SUPT16H: variants seen among roughly 807,000 people sequenced by gnomAD.
SUPT16H encodes the protein SPT16 homolog, facilitates chromatin remodeling subunit.
Under a neutral mutation model 136.2 loss-of-function variants are expected in SUPT16H, and 24 were observed. That is an observed-to-expected ratio of 0.18 (90% CI 0.13 to 0.25). SUPT16H has a LOEUF of 0.25. SUPT16H is among the 10% of genes least tolerant of loss of function. The pLI is 1.00. For missense variants in SUPT16H, 623 were observed against 1,270.2 expected (o/e 0.49, Z 7.74); for synonymous variants, 415 against 428.2 (o/e 0.97, Z 0.38).
Position 21,364,865 on chromosome 14 carries a change from A to G in SUPT16H, c.1195T>C (p.Tyr399His). The G allele has an allele frequency of 6.2e-7, 1 of 1,613,000 alleles. No homozygotes were observed. Among genetic ancestry groups the G allele is most frequent in the South Asian group, 1.1e-5 (1 of 91,018 alleles). The change falls in exon 10 of 26, where the codon TAT (tyrosine) becomes CAT (histidine). Residue 399 changes from tyrosine (Y) to histidine (H), a missense_variant. By Grantham distance (83) the Tyr-to-His change is moderately conservative. Coordinates refer to ENST00000216297, the MANE Select transcript of SUPT16H (RefSeq NM_007192.4). Reference protein sequence around the residue: ...KEGKKPEEKTYALFIGDTVLV... With the variant: ...KEGKKPEEKTHALFIGDTVLV... The stretch of plus-strand genomic sequence containing the variant: ...ACTGTGTCACCAATGAACAGGGCAT[A>G]GGTTTTCTCTTCTGGCTTTTTCCCC...
At chr14:21,355,513 T>TAA (rs59639210) in intron 22 of SUPT16H, among the ~76,000 whole-genome samples, 9 of 113,380 alleles carry the variant, frequency 7.9e-5, no homozygotes, top group African/African-American at 1.0e-4. Context: ...ATAATAATAA[T>TAA]AAAAAAAAAA....
chr14:21,383,817 A>C (rs778872200), intron 1 of SUPT16H, 45 bp downstream of exon 1: 62 of 1,609,356 alleles, frequency 3.9e-5, no homozygotes, highest in Non-Finnish European at 4.7e-5. Context: ...TTATTATGGG[A>C]TGGCTAAGGG....
intron 19 of SUPT16H, 34 bp downstream of exon 19, chr14:21,359,450 C>G: frequency 6.2e-7 from 1 of 1,606,412 alleles, no homozygotes. Context: ...TCCTCCCTCA[C>G]TATCCTGCAA....
intron 10 of SUPT16H, among the ~76,000 whole-genome samples, 170 bp from the exon 11 acceptor site, chr14:21,363,673 T>C (rs961322033): frequency 6.6e-6 from 1 of 152,100 alleles, no homozygotes; most frequent in Non-Finnish European, 1.5e-5. Flanking sequence ...GGAGCTACAA[T>C]TTTTTTTCTT....
At chr14:21,381,812 G>T (rs1029478769) in intron 1 of SUPT16H, among the ~76,000 whole-genome samples, 1 of 150,494 alleles carries the variant, frequency 6.6e-6, no homozygotes, top group Admixed American at 6.6e-5. Flanking sequence ...TAGAGACGGG[G>T]GTCTCATCAT....
intron 1 of SUPT16H, among the ~76,000 whole-genome samples, chr14:21,379,917 C>T (rs898447424): frequency 6.6e-6 from 1 of 151,602 alleles, no homozygotes; most frequent in African/African-American, 2.4e-5. Context: ...AACAAAAAAA[C>T]CTTTCTCTAT....
chr14:21,377,489 T>C (rs926580227), intron 1 of SUPT16H, among the ~76,000 whole-genome samples: 5 of 152,218 alleles, frequency 3.3e-5, no homozygotes, highest in African/African-American at 9.6e-5. Flanking sequence ...AGAGTTGACT[T>C]TGGTTAACTA....
At chr14:21,366,608 G>A in intron 7 of SUPT16H, 79 bp from the exon 8 acceptor site, 1 of 1,332,726 alleles carries the variant, frequency 7.5e-7, no homozygotes, top group South Asian at 1.3e-5. Context: ...CAAAATTTAT[G>A]TCCCCTAAAG....
intron 1 of SUPT16H, among the ~76,000 whole-genome samples, chr14:21,374,481 A>G (rs1886856927): frequency 6.6e-6 from 1 of 152,268 alleles, no homozygotes; most frequent in African/African-American, 2.4e-5. Flanking sequence ...CCTTGAGTAC[A>G]ATCATTCCCC....
intron 1 of SUPT16H, among the ~76,000 whole-genome samples, chr14:21,381,765 A>G (rs1887030332): frequency 6.8e-6 from 1 of 146,718 alleles, no homozygotes; most frequent in Non-Finnish European, 1.5e-5. Context: ...ACACACCACC[A>G]TGCCTGGTTA....
chr14:21,361,310 G>GAT, intron 15 of SUPT16H, 97 bp from the exon 16 acceptor site: 7 of 853,272 alleles, frequency 8.2e-6, no homozygotes, highest in Non-Finnish European at 9.7e-6. Flanking sequence ...TCTCTACTTT[G>GAT]CTTTTTTTTT....
rs1784303567 is a variant in SUPT16H, at chr14:21,352,395, AAGAG to A, written c.*274_*277del. The A allele has an allele frequency of 7.2e-6, 3 of 416,070 alleles. No individual in the cohort carries two copies. The highest frequency in any genetic ancestry group is 3.6e-5 in the Admixed American group (1 of 28,158). 25.8% of individuals were successfully genotyped at this position (416,070 alleles called of 1,614,324 possible). A position where few individuals can be genotyped will look rare whatever the true frequency, so the allele number is the denominator to read the frequency against. On this transcript the variant is annotated 3_prime_UTR_variant, in exon 26 of 26. Transcript: ENST00000216297. ...CAATGTCTTGGCAGAAGGTGACAGG[AAGAG>A]AGAAGAATGAAACAATATTTATTAA... is the stretch of plus-strand genomic sequence containing the variant.
intron 4 of SUPT16H, 25 bp downstream of exon 4, chr14:21,370,311 T>A: frequency 6.2e-7 from 1 of 1,604,770 alleles, no homozygotes; most frequent in Non-Finnish European, 8.5e-7. Context: ...AACTCTTGAT[T>A]TGCTATTTCC....
At chr14:21,378,036 T>C (rs1464222383) in intron 1 of SUPT16H, among the ~76,000 whole-genome samples, 1 of 152,112 alleles carries the variant, frequency 6.6e-6, no homozygotes, top group Non-Finnish European at 1.5e-5. Context: ...TCAACAGGCC[T>C]AAAGAGTAAC....
chr14:21,375,191 C>CT (rs1442282424), intron 1 of SUPT16H, among the ~76,000 whole-genome samples: 1 of 151,694 alleles, frequency 6.6e-6, no homozygotes, highest in African/African-American at 2.4e-5. Flanking sequence ...TTTTATATTT[C>CT]TTAGTAGAGA....
At chr14:21,383,369 T>C (rs940568382) in intron 1 of SUPT16H, 5 of 480,082 alleles carry the variant, frequency 1.0e-5, no homozygotes, top group African/African-American at 2.0e-5. Flanking sequence ...TTTCTTTTTT[T>C]AACTCCAGCA....
chr14:21,374,454 C>T (rs890263470), intron 1 of SUPT16H, among the ~76,000 whole-genome samples: 5 of 152,250 alleles, frequency 3.3e-5, no homozygotes, highest in Non-Finnish European at 7.3e-5. Flanking sequence ...AATTTTGGAA[C>T]ATTTTAATCT....
chr14:21,377,699 C>T (rs1886934044), intron 1 of SUPT16H, among the ~76,000 whole-genome samples: 1 of 151,962 alleles, frequency 6.6e-6, no homozygotes, highest in Admixed American at 6.6e-5. Flanking sequence ...TCTCAGCTCA[C>T]TGTGGCCTCT....
rs572960836 is a variant in SUPT16H at position 21,360,828 on chromosome 14, A to G, written c.2056+18T>C. 942 of 1,611,008 alleles carry G rather than the reference A, an allele frequency of 5.8e-4. 12 individuals carry two copies. The South Asian group carries it at 9.9e-3, about 17-fold the overall frequency. ...TGCCCTGAAGAGAAAGCCTAGGTACAGGAGAGATCATCCATACCATTGACA... is the reference window on the plus strand; with the variant it reads ...TGCCCTGAAGAGAAAGCCTAGGTACGGGAGAGATCATCCATACCATTGACA... On this transcript the variant is annotated intron_variant, in intron 17 of 25. Transcript: ENST00000216297.
Sources: allele counts gnomAD v4.1 joint callset (sites outside exome capture counted in the v4.1 genomes callset), GRCh38; gene constraint gnomAD v4.1.1; transcripts MANE v1.5; gene names NCBI Gene and HGNC (gene_info 2026-07-23, HGNC 2026-07-21).